SLC10A1: variants seen among roughly 807,000 people sequenced by gnomAD.
SLC10A1 encodes the protein hepatic sodium/bile acid cotransporter.
A neutral mutation model predicts 20.5 loss-of-function variants in SLC10A1; 36 were observed. That is an observed-to-expected ratio of 1.75 (90% CI 1.34 to 2.32). The LOEUF is 2.32. Ranked by LOEUF, SLC10A1 falls within the 30% of genes most tolerant of loss-of-function variation. SLC10A1 has a pLI of 0.00. For missense variants in SLC10A1, 545 were observed against 439.1 expected (o/e 1.24, Z -2.16); for synonymous variants, 188 against 163.6 (o/e 1.15, Z -1.14).
intron 2 of SLC10A1, among the ~76,000 whole-genome samples, chr14:69,783,746 A>T (rs1355328372): frequency 2.0e-5 from 3 of 152,186 alleles, no homozygotes; most frequent in African/African-American, 4.8e-5. Flanking sequence ...AGGTTGGATG[A>T]GAAGGCCATT....
At chr14:69,795,408 T>TC (rs1882369427) in intron 1 of SLC10A1, among the ~76,000 whole-genome samples, 1 of 149,892 alleles carries the variant, frequency 6.7e-6, no homozygotes, top group Admixed American at 6.6e-5. Context: ...TCCTTTTTTT[T>TC]TTTTTTTTTG....
rs201015997 is a variant in SLC10A1 at position 69,797,133 on chromosome 14, G to A, written c.23C>T (p.Ala8Val). The A allele has an allele frequency of 5.6e-6, 9 of 1,612,298 alleles. No individual in the cohort carries two copies. The Admixed American group carries it at 1.5e-4, about 27-fold the overall frequency. Reference sequence around the variant, plus strand: ...GGGTGGCAGGGTGAAGTTGAATGGGGCAGACGCGTTGTGGGCCTCCATCCT... The same window carrying A: ...GGGTGGCAGGGTGAAGTTGAATGGGACAGACGCGTTGTGGGCCTCCATCCT... MEAHNAS[A>V]PFNFTLPPNF... The change falls in exon 1 of 5, where the codon GCC becomes GTC. Residue 8 changes from alanine (A) to valine (V), a missense_variant. Transcript: ENST00000216540.
intron 4 of SLC10A1, 128 bp from the exon 5 acceptor site, chr14:69,776,516 C>T (rs1883451890): frequency 1.5e-6 from 1 of 676,432 alleles, no homozygotes; most frequent in Admixed American, 2.7e-5. Context: ...TATTTTCCAT[C>T]TCTGTCGTCT....
In SLC10A1 at chr14:69,786,335, A is replaced by G. The variant is rs201287539; in HGVS notation, c.357-28T>C. On this transcript the variant is annotated intron_variant, in intron 1 of 4. Transcript: ENST00000216540. ...GGTGGGAGACATGGGAAGAGGGGAG[A>G]GAGAGAGAGCCCATAAATACAGACT... is the stretch of plus-strand genomic sequence containing the variant. The G allele has an allele frequency of 1.9e-6, 3 of 1,588,772 alleles. No homozygotes were observed. In the East Asian group the frequency reaches 6.7e-5, roughly 35 times the overall value.
chr14:69,776,529 C>A lies in SLC10A1; in HGVS notation c.944-141G>T, dbSNP rs985873481. 1.7e-5 allele frequency: 11 copies of A among 653,236 alleles called. No homozygotes were observed. In the South Asian group the frequency reaches 1.9e-4, roughly 12 times the overall value. The allele number at this position is 653,236 out of a possible 1,614,324, so 40.5% of individuals were successfully genotyped here. A position where few individuals can be genotyped will look rare whatever the true frequency, so the allele number is the denominator to read the frequency against. On this transcript the variant is annotated intron_variant, in intron 4 of 4. Transcript: ENST00000216540. ...TATATTTTCCATCTCTGTCGTCTCT[C>A]CCATGGTTTACTCTTTAAACTCACT...
At chr14:69,780,309 A>G (rs1340771531) in intron 2 of SLC10A1, among the ~76,000 whole-genome samples, 1 of 152,218 alleles carries the variant, frequency 6.6e-6, no homozygotes, top group Non-Finnish European at 1.5e-5. Context: ...ATTTTAGAGA[A>G]TTGCGTCCTC....
At chr14:69,779,510 G>T in intron 2 of SLC10A1, 150 bp from the exon 3 acceptor site, 1 of 577,892 alleles carries the variant, frequency 1.7e-6, no homozygotes, top group Non-Finnish European at 2.9e-6. Context: ...TCTTCTTTTT[G>T]GATTCCTTTC....
In SLC10A1 at chr14:69,776,376, A is replaced by G; in HGVS notation, c.956T>C (p.Met319Thr). ...TTCAGTTGTGGCAGCTGTGTAGATC[A>G]TTTTTGTTTTATCTGTAAAGTTAAA... ...KFKTPKDKTKMIYTAATTEET... is the reference protein window; with the variant it reads ...KFKTPKDKTKTIYTAATTEET... Residue 319 changes from methionine to threonine, a missense_variant, in exon 5 of 5, where the codon ATG becomes ACG. Met to Thr is a moderately conservative substitution (Grantham distance 81). Coordinates refer to ENST00000216540, the MANE Select transcript of SLC10A1 (RefSeq NM_003049.4). 6.2e-7 allele frequency: 1 copy of G among 1,601,510 alleles called. No homozygotes were observed. Among genetic ancestry groups the G allele is most frequent in the South Asian group, 1.1e-5 (1 of 90,548 alleles).
At chr14:69,796,579 GT>G (rs1882389511) in intron 1 of SLC10A1, among the ~76,000 whole-genome samples, 1 of 152,198 alleles carries the variant, frequency 6.6e-6, no homozygotes, top group South Asian at 2.1e-4. Flanking sequence ...TCCTGGACCA[GT>G]ATGGTCCCTT....
intron 1 of SLC10A1, among the ~76,000 whole-genome samples, chr14:69,789,238 C>G (rs964882337): frequency 1.3e-5 from 2 of 152,172 alleles, no homozygotes; most frequent in African/African-American, 4.8e-5. Context: ...AAAGCATGTT[C>G]ACACAAAAAC....
At chr14:69,777,603 TTTA>T (rs544747848) in intron 4 of SLC10A1, among the ~76,000 whole-genome samples, 3,903 of 100,476 alleles carry the variant, frequency 0.039, 359 homozygotes, top group African/African-American at 0.19. Flanking sequence ...TTTTTTTTTT[TTTA>T]AAATTGGTGT....
chr14:69,779,552 G>GA (rs1883540033), intron 2 of SLC10A1, among the ~76,000 whole-genome samples, 192 bp from the exon 3 acceptor site: 1 of 152,126 alleles, frequency 6.6e-6, no homozygotes, highest in Non-Finnish European at 1.5e-5. Flanking sequence ...TAACATTAGA[G>GA]ACAGGGTCTT....
chr14:69,791,582 G>A (rs898187288), intron 1 of SLC10A1, among the ~76,000 whole-genome samples: 13 of 152,208 alleles, frequency 8.5e-5, no homozygotes, highest in Admixed American at 2.6e-4. Flanking sequence ...TTACAGGCGT[G>A]AGCCACTGTG....
chr14:69,788,605 C>T (rs926590069), intron 1 of SLC10A1, among the ~76,000 whole-genome samples: 10 of 149,602 alleles, frequency 6.7e-5, no homozygotes, highest in Admixed American at 3.3e-4. Context: ...AGTGCAGTGG[C>T]GCAGTCTCGG....
intron 2 of SLC10A1, among the ~76,000 whole-genome samples, chr14:69,784,052 T>A (rs1445165093): frequency 6.6e-6 from 1 of 152,158 alleles, no homozygotes; most frequent in African/African-American, 2.4e-5. Context: ...AGAGTTGACA[T>A]CTGATGATGC....
rs1883426432 is a variant in SLC10A1 at position 69,775,540 on chromosome 14, G to A, written c.*742C>T. On this transcript the variant is annotated 3_prime_UTR_variant, in exon 5 of 5. Transcript: ENST00000216540. ...GCAGTAGTTTGCTGTACCCAGTTTT[G>A]GGGGCGCCTTGTGTTAAAACCAAAT... 1 of 152,086 alleles carries A rather than the reference G, an allele frequency of 6.6e-6. No homozygotes were observed. Among genetic ancestry groups the A allele is most frequent in the Admixed American group, 6.5e-5 (1 of 15,270 alleles). The allele number at this position is 152,086 out of a possible 1,614,324, so 9.4% of individuals were successfully genotyped here. A position where few individuals can be genotyped will look rare whatever the true frequency, so the allele number is the denominator to read the frequency against.
At chr14:69,786,772 A>G (rs547677892) in intron 1 of SLC10A1, among the ~76,000 whole-genome samples, 1 of 152,372 alleles carries the variant, frequency 6.6e-6, no homozygotes, top group East Asian at 1.9e-4. Context: ...TTTAGAGCCT[A>G]GGGAATGGCT....
chr14:69,788,681 A>G (rs192755784), intron 1 of SLC10A1, among the ~76,000 whole-genome samples: 1 of 151,720 alleles, frequency 6.6e-6, no homozygotes, highest in Non-Finnish European at 1.5e-5. Flanking sequence ...AGTAGCTGGG[A>G]CTACAGGCGC....
At chr14:69,781,777 G>A (rs916747186) in intron 2 of SLC10A1, among the ~76,000 whole-genome samples, 10 of 152,182 alleles carry the variant, frequency 6.6e-5, no homozygotes, top group African/African-American at 2.4e-4. Context: ...CCTTGCATGG[G>A]TAAGTTAAAA....
Sources: gnomAD v4.1 joint callset for allele counts (sites outside exome capture counted in the v4.1 genomes callset) on GRCh38, gnomAD v4.1.1 for gene constraint, MANE v1.5 for transcripts, NCBI Gene and HGNC (gene_info 2026-07-23, HGNC 2026-07-21) for gene names.